KDM2A: variants seen among roughly 807,000 people sequenced by gnomAD.
The protein encoded by KDM2A is lysine-specific demethylase 2A.
In KDM2A, 3 loss-of-function variants were observed where a neutral mutation model predicts 137.3. That is an observed-to-expected ratio of 0.02 (90% CI 0.01 to 0.06). KDM2A has a LOEUF of 0.06. Ranked by LOEUF, KDM2A falls within the 10% of genes least tolerant of loss-of-function variation. KDM2A has a pLI of 1.00. For missense variants in KDM2A, 738 were observed against 1,510.6 expected (o/e 0.49, Z 8.48); for synonymous variants, 512 against 541.5 (o/e 0.95, Z 0.76).
intron 5 of KDM2A, among the ~76,000 whole-genome samples, chr11:67,193,150 C>T (rs753239274): frequency 2.6e-5 from 4 of 151,960 alleles, no homozygotes; most frequent in Non-Finnish European, 5.9e-5. Flanking sequence ...CCACCACACC[C>T]GGCTCATTTT....
At chr11:67,150,613 A>C (rs1856362322) in intron 2 of KDM2A, among the ~76,000 whole-genome samples, 1 of 152,192 alleles carries the variant, frequency 6.6e-6, no homozygotes, top group South Asian at 2.1e-4. Context: ...AGGGCTGGCC[A>C]TAGTTACTAA....
chr11:67,220,697 C>T (rs1171875083), intron 10 of KDM2A, among the ~76,000 whole-genome samples: 2 of 151,992 alleles, frequency 1.3e-5, no homozygotes, highest in African/African-American at 2.4e-5. Context: ...TGCAAAGGAC[C>T]AGATAGTAAA....
At chr11:67,232,777 G>A (rs760283906) in intron 12 of KDM2A, among the ~76,000 whole-genome samples, 2 of 151,364 alleles carry the variant, frequency 1.3e-5, no homozygotes, top group Admixed American at 6.6e-5. Context: ...GCAAGATCTC[G>A]GCTCACTGCA....
chr11:67,167,265 C>T (rs189935944), intron 2 of KDM2A, among the ~76,000 whole-genome samples: 67 of 152,244 alleles, frequency 4.4e-4, no homozygotes, highest in Non-Finnish European at 9.0e-4. Context: ...GAATTGATAG[C>T]CACATTTTGT....
intron 6 of KDM2A, among the ~76,000 whole-genome samples, chr11:67,211,613 CAAAAAAAAAAAAA>C (rs377116306): frequency 6.0e-5 from 3 of 50,246 alleles, no homozygotes; most frequent in Admixed American, 4.1e-4. Context: ...GACCCTGTCT[CAAAAAAAAAAAAA>C]AAAAAAAAAA....
At chr11:67,139,058 G>A (rs1565373677) in intron 2 of KDM2A, among the ~76,000 whole-genome samples, 2 of 152,102 alleles carry the variant, frequency 1.3e-5, no homozygotes, top group South Asian at 4.1e-4. Flanking sequence ...ACAGGCAGTA[G>A]TATTAAGTTT....
At chr11:67,145,637 A>G (rs892609804) in intron 2 of KDM2A, among the ~76,000 whole-genome samples, 2 of 152,084 alleles carry the variant, frequency 1.3e-5, no homozygotes, top group African/African-American at 2.4e-5. Flanking sequence ...CAAAGACTGG[A>G]CACCTGGTAT....
intron 7 of KDM2A, 85 bp downstream of exon 7, chr11:67,215,531 GCT>G (rs1296310458): frequency 1.3e-5 from 11 of 860,254 alleles, no homozygotes; most frequent in Non-Finnish European, 2.1e-5. Context: ...TACGAGCTTT[GCT>G]CTGTGTCTTG....
At chr11:67,196,435 T>C (rs1381108577) in intron 5 of KDM2A, 3 of 455,990 alleles carry the variant, frequency 6.6e-6, no homozygotes, top group Non-Finnish European at 1.3e-5. Flanking sequence ...CCACAGTGCT[T>C]GGCTGAATGA....
At chr11:67,206,133 T>G (rs1195162038) in intron 5 of KDM2A, among the ~76,000 whole-genome samples, 1 of 152,150 alleles carries the variant, frequency 6.6e-6, no homozygotes, top group East Asian at 1.9e-4. Context: ...GGAGCTGAGA[T>G]TTAAACTTAG....
intron 15 of KDM2A, among the ~76,000 whole-genome samples, chr11:67,246,724 A>G (rs1383312556): frequency 1.3e-5 from 2 of 152,134 alleles, no homozygotes; most frequent in Non-Finnish European, 2.9e-5. Flanking sequence ...CTTAGAAAGT[A>G]TCAGCTAAAA....
chr11:67,243,339 G>T (rs1197147110), intron 13 of KDM2A, among the ~76,000 whole-genome samples: 3 of 152,308 alleles, frequency 2.0e-5, no homozygotes, highest in East Asian at 3.9e-4. Flanking sequence ...ATGCCAAATT[G>T]TGCATTTGTG....
intron 2 of KDM2A, among the ~76,000 whole-genome samples, chr11:67,163,021 T>G (rs966864839): frequency 6.6e-6 from 1 of 152,174 alleles, no homozygotes; most frequent in East Asian, 1.9e-4. Context: ...TGATTTCTTT[T>G]TCTTAAAGTT....
chr11:67,126,258 A>T (rs1855728836), intron 2 of KDM2A, among the ~76,000 whole-genome samples: 1 of 151,502 alleles, frequency 6.6e-6, no homozygotes, highest in Non-Finnish European at 1.5e-5. Context: ...AAAAAAAAAA[A>T]AAAATGGAAT....
At chr11:67,124,547 AGAT>A (rs1320145459) in intron 2 of KDM2A, among the ~76,000 whole-genome samples, 2 of 147,686 alleles carry the variant, frequency 1.4e-5, no homozygotes, top group African/African-American at 5.0e-5. Context: ...TCCTGACCTC[AGAT>A]GATCACCCAC....
intron 8 of KDM2A, 41 bp from the exon 9 acceptor site, chr11:67,217,690 T>C: frequency 6.2e-7 from 1 of 1,604,740 alleles, no homozygotes; most frequent in South Asian, 1.1e-5. Context: ...GACTGGGTCA[T>C]GTCAATGGCT....
intron 5 of KDM2A, among the ~76,000 whole-genome samples, chr11:67,186,377 A>G (rs1439688405): frequency 2.6e-5 from 4 of 152,224 alleles, no homozygotes; most frequent in African/African-American, 9.6e-5. Context: ...AAAACAAAAC[A>G]AAACTGTCAA....
At chr11:67,158,245 T>G (rs1260783224) in intron 2 of KDM2A, among the ~76,000 whole-genome samples, 1 of 152,220 alleles carries the variant, frequency 6.6e-6, no homozygotes, top group Admixed American at 6.6e-5. Context: ...TCCATGTCTC[T>G]TTGTGGCTAC....
chr11:67,200,537 G>A (rs1857594093), intron 5 of KDM2A, among the ~76,000 whole-genome samples: 3 of 151,274 alleles, frequency 2.0e-5, no homozygotes, highest in Admixed American at 1.3e-4. Flanking sequence ...TTTAAGACAA[G>A]GTCTCATTCT....
Sources: allele counts gnomAD v4.1 joint callset (sites outside exome capture counted in the v4.1 genomes callset), GRCh38; gene constraint gnomAD v4.1.1; transcripts MANE v1.5; gene names NCBI Gene and HGNC (gene_info 2026-07-23, HGNC 2026-07-21).